Variants in DAB2IP observed in about 807,000 individuals in gnomAD.
The protein encoded by DAB2IP is DAB2 interacting protein, also known as disabled homolog 2-interacting protein.
Under a neutral mutation model 107.2 loss-of-function variants are expected in DAB2IP, and 28 were observed. The observed-to-expected ratio is 0.26, with a 90% CI of 0.19 to 0.36. The LOEUF (loss-of-function observed/expected upper bound fraction) is 0.36, where lower values mean the gene tolerates loss of function less well. Among genes scored for constraint, DAB2IP ranks in the 10% least tolerant of loss-of-function variants. The probability of loss-of-function intolerance (pLI) is 1.00; values close to 1 mark genes in which losing one functional copy is unlikely to be tolerated. For synonymous variants in DAB2IP, 755 were observed against 706.4 expected (o/e 1.07, Z -1.09); for missense variants, 1,400 against 1,644.7 (o/e 0.85, Z 2.57).
At chr9:121,659,204 C>T (rs1326134072) in intron 1 of DAB2IP, among the ~76,000 whole-genome samples, 2 of 152,200 alleles carry the variant, frequency 1.3e-5, no homozygotes, top group African/African-American at 4.8e-5. Flanking sequence ...TGACTCCTTC[C>T]TACTGTCCTG....
chr9:121,733,308 C>T (rs769252971), intron 3 of DAB2IP, among the ~76,000 whole-genome samples: 2 of 152,230 alleles, frequency 1.3e-5, no homozygotes, highest in Non-Finnish European at 2.9e-5. Flanking sequence ...GTCTCCTCTC[C>T]CAGGATGCAT....
intron 2 of DAB2IP, among the ~76,000 whole-genome samples, chr9:121,683,175 C>A (rs1249292077): frequency 1.3e-5 from 2 of 152,268 alleles, no homozygotes; most frequent in Non-Finnish European, 1.5e-5. Flanking sequence ...TGCATGTGCC[C>A]ACCCAGCTTC....
chr9:121,711,380 T>G (rs78130223), intron 3 of DAB2IP, among the ~76,000 whole-genome samples: 2,650 of 152,290 alleles, frequency 0.017, 46 homozygotes, highest in Middle Eastern at 0.027. Context: ...ACATTTTACA[T>G]CCTCAAATTT....
At chr9:121,741,910 A>G (rs527929934) in intron 3 of DAB2IP, among the ~76,000 whole-genome samples, 1 of 151,788 alleles carries the variant, frequency 6.6e-6, no homozygotes, top group African/African-American at 2.4e-5. Context: ...TAGGGAGGTG[A>G]CTTAACCTGT....
chr9:121,759,236 A>G (rs1833710975), intron 5 of DAB2IP, among the ~76,000 whole-genome samples: 1 of 152,186 alleles, frequency 6.6e-6, no homozygotes, highest in Non-Finnish European at 1.5e-5. Flanking sequence ...GCTTGGGGAA[A>G]TGAGTGCTGG....
At position 121,766,577 on chromosome 9, in the gene DAB2IP, G is replaced by A. The variant is rs141771432; in HGVS notation, c.1544G>A (p.Arg515Gln). Residue 515 changes from arginine to glutamine, a missense_variant, in exon 9 of 16, where the codon CGG (arginine) becomes CAG (glutamine). Physicochemically the swap from Arg to Gln is conservative, Grantham distance 43. Transcript: ENST00000408936. Reference sequence around the variant, plus strand: ...CGCGGCCGCCCGGACATCAGTGAGCGGCTCATCAGCGCCTCCCTCTTCCTG... The same window carrying A: ...CGCGGCCGCCCGGACATCAGTGAGCAGCTCATCAGCGCCTCCCTCTTCCTG... The A allele has an allele frequency of 2.7e-5, 44 of 1,613,756 alleles. No individual in the cohort carries two copies. In the East Asian group the frequency reaches 5.3e-4, roughly 20 times the overall value.
intron 1 of DAB2IP, among the ~76,000 whole-genome samples, chr9:121,656,172 C>T (rs1832964662): frequency 6.6e-6 from 1 of 152,162 alleles, no homozygotes; most frequent in Non-Finnish European, 1.5e-5. Context: ...CCACACCCGG[C>T]TAATTTTGTA....
chr9:121,657,996 T>G (rs980033555), intron 1 of DAB2IP, among the ~76,000 whole-genome samples: 3 of 152,168 alleles, frequency 2.0e-5, no homozygotes, highest in African/African-American at 7.2e-5. Flanking sequence ...CTCAGATCCC[T>G]TTGTATCCTG....
At chr9:121,675,225 A>T (rs72764062) in intron 1 of DAB2IP, among the ~76,000 whole-genome samples, 4,833 of 152,228 alleles carry the variant, frequency 0.032, 130 homozygotes, top group South Asian at 0.083. Flanking sequence ...CCCAGAGCTC[A>T]AAGGATGACA....
chr9:121,652,615 C>T (rs1200451188), intron 1 of DAB2IP, among the ~76,000 whole-genome samples: 1 of 151,774 alleles, frequency 6.6e-6, no homozygotes, highest in Non-Finnish European at 1.5e-5. Context: ...AGGCTGGAGT[C>T]CTAGGCAGAG....
In DAB2IP at chr9:121,766,741, C is replaced by T. The variant is rs200639492; in HGVS notation, c.1697+11C>T. The T allele has an allele frequency of 1.8e-5, 29 of 1,613,304 alleles. No individual in the cohort carries two copies. In the East Asian group the frequency reaches 4.0e-4, roughly 22 times the overall value. ...GGCCAACTTTGCCAAGTGAGTGCCT[C>T]CTCCCTCACCAGGCAGAGTTGGGCA... is the stretch of plus-strand genomic sequence containing the variant. On this transcript the variant is annotated intron_variant, in intron 9 of 15. Coordinates refer to ENST00000408936, the Ensembl canonical transcript of DAB2IP.
At position 121,736,251 on chromosome 9, in the gene DAB2IP, A is replaced by G. The variant is rs968769125; in HGVS notation, c.363-20762A>G. Among the ~76,000 whole-genome samples the G allele has an allele frequency of 6.6e-6, 1 of 152,170 alleles. No individual in the cohort carries two copies. Among genetic ancestry groups the G allele is most frequent in the African/African-American group, 2.4e-5 (1 of 41,448 alleles). On this transcript the variant is annotated intron_variant, in intron 3 of 15. Coordinates refer to ENST00000408936, the Ensembl canonical transcript of DAB2IP. The surrounding 1 kb of genome is among the most constrained non-coding windows in gnomAD (Gnocchi z 4.6). ...TCTGGGCTGCGCTGGTCTAAGCCCG[A>G]CGAACCCGGGGTGGGGCCAGCGGGC...
rs1833250368 is a variant in DAB2IP, at chr9:121,662,486, C to T, written c.124+10587C>T. ...GCCCATAAATAAAGTTTTATTGGAA[C>T]ACAGCCATGTTCATTCATTTGTGTA... On this transcript the variant is annotated intron_variant, in intron 1 of 15. Transcript: ENST00000408936. The surrounding 1 kb of genome is among the most constrained non-coding windows in gnomAD (Gnocchi z 4.6). Among the ~76,000 whole-genome samples, 1 of 152,248 alleles carries T rather than the reference C, an allele frequency of 6.6e-6. No homozygotes were observed. Among genetic ancestry groups the T allele is most frequent in the Admixed American group, 6.5e-5 (1 of 15,284 alleles).
At chr9:121,773,402 T>C in exon 12 of DAB2IP, 1 of 1,588,354 alleles carries the variant, frequency 6.3e-7, no homozygotes, top group Non-Finnish European at 8.6e-7. Flanking sequence ...CGGCCTCACC[T>C]GATTGGGTGG....
At chr9:121,771,929 TTCTTCCAAGGAGCTA>T (rs1834778933) in intron 11 of DAB2IP, among the ~76,000 whole-genome samples, 1 of 151,182 alleles carries the variant, frequency 6.6e-6, no homozygotes. Context: ...CAGTTGTGCT[TTCTTCCAAGGAGCTA>T]GCTTCTGGGG....
chr9:121,645,822 C>T (rs1425243362), intron 1 of DAB2IP, among the ~76,000 whole-genome samples: 2 of 152,190 alleles, frequency 1.3e-5, no homozygotes, highest in Admixed American at 6.5e-5. Context: ...ACGTGCATGT[C>T]CTCTTCTCTG....
intron 1 of DAB2IP, chr9:121,574,922 G>T (rs1830022583): frequency 6.6e-6 from 1 of 152,220 alleles, no homozygotes; most frequent in African/African-American, 2.4e-5. Context: ...AGACAATAAA[G>T]AACAAAGAGG....
intron 3 of DAB2IP, among the ~76,000 whole-genome samples, chr9:121,703,290 C>T (rs1168145982): frequency 6.6e-6 from 1 of 152,140 alleles, no homozygotes; most frequent in Non-Finnish European, 1.5e-5. Flanking sequence ...GTCTATTTTC[C>T]TGCTTTAGTT....
chr9:121,580,956 G>A (rs1383441619), intron 1 of DAB2IP, among the ~76,000 whole-genome samples: 1 of 152,212 alleles, frequency 6.6e-6, no homozygotes, highest in Admixed American at 6.5e-5. Context: ...GATTCAGTGA[G>A]GCTGTACCCC....
Sources: gnomAD v4.1 joint callset for allele counts (sites outside exome capture counted in the v4.1 genomes callset) on GRCh38, gnomAD v4.1.1 for gene constraint, Gnocchi (gnomAD v3.1) non-coding constraint, MANE v1.5 for transcripts, NCBI Gene and HGNC (gene_info 2026-07-23, HGNC 2026-07-21) for gene names.